The following PIK3C3 variants were observed in gnomAD, a reference collection of about 807,000 sequenced individuals.
PIK3C3 encodes the protein PI3-kinase type 3.
Under a neutral mutation model 126.1 loss-of-function variants are expected in PIK3C3, and 95 were observed. The ratio of observed to expected loss-of-function variants is 0.75; its 90% CI spans 0.64 to 0.89. The LOEUF (loss-of-function observed/expected upper bound fraction) is 0.89, where lower values mean the gene tolerates loss of function less well. Among genes scored for constraint, PIK3C3 ranks in the 40% least tolerant of loss-of-function variants. The pLI is 0.00. For missense variants in PIK3C3, 829 were observed against 1,063.2 expected, an observed-to-expected ratio of 0.78 and a Z score of 3.06; for synonymous variants, 374 against 360.0, an observed-to-expected ratio of 1.04 and a Z score of -0.44.
chr18:42,058,107 A>G (rs1333446577), intron 22 of PIK3C3, 56 bp downstream of exon 22: 7 of 1,436,540 alleles, frequency 4.9e-6, no homozygotes, highest in Non-Finnish European at 5.6e-6. Context: ...ATTTTATAGA[A>G]CAAGAGAATT....
intron 24 of PIK3C3, among the ~76,000 whole-genome samples, chr18:42,079,435 G>A (rs1173095962): frequency 6.6e-6 from 1 of 152,168 alleles, no homozygotes; most frequent in African/African-American, 2.4e-5. Context: ...GATCACCATA[G>A]CAGGTGGAAT....
At position 42,086,791 on chromosome 18, in the gene PIK3C3, T is replaced by C. The variant is rs1371567030; in HGVS notation, c.*5654T>C. On this transcript the variant is annotated 3_prime_UTR_variant, in exon 25 of 25. Transcript: ENST00000262039. ...AATAATCCACCCCTTGTTTAGCATA[T>C]GATCAAGAAATAATCATTAAAAAAT... 1 of 152,208 alleles carries C rather than the reference T, an allele frequency of 6.6e-6. No individual in the cohort carries two copies. The highest frequency in any genetic ancestry group is 1.5e-5 in the Non-Finnish European group (1 of 68,024). 9.4% of individuals were successfully genotyped at this position (152,208 alleles called of 1,614,324 possible).
chr18:42,076,165 CATATATATATATGCACAT>C (rs1353014134), intron 24 of PIK3C3, among the ~76,000 whole-genome samples: 1 of 103,676 alleles, frequency 9.6e-6, no homozygotes, highest in Non-Finnish European at 1.8e-5. Context: ...TATATATGCA[CATATATATATATGCACAT>C]ATATATATGC....
intron 24 of PIK3C3, among the ~76,000 whole-genome samples, chr18:42,072,121 C>T (rs1985799071): frequency 6.6e-6 from 1 of 152,176 alleles, no homozygotes; most frequent in African/African-American, 2.4e-5. Flanking sequence ...CATTCAAATT[C>T]AGATGACTGG....
chr18:42,075,932 A>C (rs1352054341), intron 24 of PIK3C3, among the ~76,000 whole-genome samples: 1 of 149,438 alleles, frequency 6.7e-6, no homozygotes, highest in African/African-American at 2.4e-5. Context: ...AGTCACCTTC[A>C]TCAGTGATCT....
chr18:41,968,692 G>T (rs16975463), intron 3 of PIK3C3, among the ~76,000 whole-genome samples: 12,641 of 152,154 alleles, frequency 0.083, 1,709 homozygotes, highest in African/African-American at 0.28. Context: ...ATATAATGTT[G>T]AGTGAAAATC....
chr18:42,017,198 A>G (rs532671592), intron 12 of PIK3C3, among the ~76,000 whole-genome samples: 5 of 152,210 alleles, frequency 3.3e-5, no homozygotes, highest in Admixed American at 6.5e-5. Context: ...TTAATACACA[A>G]TCAAGCTGAA....
chr18:42,042,385 G>A (rs1190343657), intron 19 of PIK3C3, among the ~76,000 whole-genome samples: 2 of 152,132 alleles, frequency 1.3e-5, no homozygotes, highest in Non-Finnish European at 2.9e-5. Context: ...ACAAACCTTA[G>A]TCATGGTACA....
In PIK3C3 at chr18:42,029,596, G is replaced by A. The variant is rs183054209; in HGVS notation, c.1707+155G>A. On this transcript the variant is annotated intron_variant, in intron 15 of 24. Transcript: ENST00000262039. Reference sequence around the variant, plus strand: ...CTCACTCTGTCGCCCAGGTTGGAGTGCAGTGGCACGATCTCGGCTCACTGC... The same window carrying A: ...CTCACTCTGTCGCCCAGGTTGGAGTACAGTGGCACGATCTCGGCTCACTGC... Among the ~76,000 whole-genome samples the A allele has an allele frequency of 1.8e-3, 242 of 132,088 alleles. 1 individual carries two copies. Among genetic ancestry groups the A allele is most frequent in the Non-Finnish European group, 5.5e-4 (36 of 65,150 alleles). The allele number at this position is 132,088 out of a possible 152,430, so 86.7% of individuals were successfully genotyped here. A position where few individuals can be genotyped will look rare whatever the true frequency, so the allele number is the denominator to read the frequency against.
At chr18:42,000,728 T>TA (rs1178780692) in intron 9 of PIK3C3, among the ~76,000 whole-genome samples, 1 of 152,144 alleles carries the variant, frequency 6.6e-6, no homozygotes, top group Non-Finnish European at 1.5e-5. Flanking sequence ...AGTCATGTCT[T>TA]ACGTGGATGG....
At chr18:41,976,151 A>G (rs777539306) in intron 4 of PIK3C3, among the ~76,000 whole-genome samples, 3 of 152,228 alleles carry the variant, frequency 2.0e-5, no homozygotes, top group Non-Finnish European at 2.9e-5. Context: ...TTCTGGTCAC[A>G]TAATTAATTT....
intron 4 of PIK3C3, among the ~76,000 whole-genome samples, chr18:41,976,219 AT>A (rs761430180): frequency 7.2e-5 from 11 of 152,264 alleles, no homozygotes; most frequent in South Asian, 2.1e-4. Context: ...GAAAGAAAGT[AT>A]TTTGCATTAA....
intron 3 of PIK3C3, among the ~76,000 whole-genome samples, chr18:41,965,707 G>A (rs900357612): frequency 6.6e-6 from 1 of 152,062 alleles, no homozygotes; most frequent in African/African-American, 2.4e-5. Context: ...GCATTCATGC[G>A]TTCCTCTTCT....
At chr18:42,076,165 CATAT>C (rs375558824) in intron 24 of PIK3C3, among the ~76,000 whole-genome samples, 2 of 103,676 alleles carry the variant, frequency 1.9e-5, no homozygotes, top group African/African-American at 4.5e-5. Context: ...TATATATGCA[CATAT>C]ATATATATGC....
intron 24 of PIK3C3, among the ~76,000 whole-genome samples, chr18:42,069,719 A>T (rs990752510): frequency 1.3e-5 from 2 of 152,176 alleles, no homozygotes; most frequent in Non-Finnish European, 2.9e-5. Context: ...ATATCTCTCC[A>T]TCATGGGTTT....
chr18:42,040,555 T>A (rs1175335346), intron 18 of PIK3C3, 122 bp from the exon 19 acceptor site: 1 of 675,050 alleles, frequency 1.5e-6, no homozygotes. Flanking sequence ...TACACTGATC[T>A]TTTTAAGTTG....
intron 4 of PIK3C3, among the ~76,000 whole-genome samples, chr18:41,974,612 GTA>G (rs1000687581): frequency 1.5e-5 from 2 of 133,744 alleles, no homozygotes; most frequent in African/African-American, 5.7e-5. Flanking sequence ...TTAATTTTTA[GTA>G]TAGTGTCTTT....
At chr18:42,049,790 A>G (rs1984716725) in intron 21 of PIK3C3, 185 bp downstream of exon 21, 1 of 464,628 alleles carries the variant, frequency 2.2e-6, no homozygotes, top group Non-Finnish European at 4.0e-6. Flanking sequence ...CCTGACCAAC[A>G]TGGAGAAACC....
chr18:42,022,402 T>C (rs1983368387), intron 13 of PIK3C3, among the ~76,000 whole-genome samples: 2 of 152,162 alleles, frequency 1.3e-5, no homozygotes. Context: ...TTTCTGTCCT[T>C]GCGACAGTTT....
Sources: gnomAD v4.1 joint callset for allele counts (sites outside exome capture counted in the v4.1 genomes callset) on GRCh38, gnomAD v4.1.1 for gene constraint, MANE v1.5 for transcripts, NCBI Gene and HGNC (gene_info 2026-07-23, HGNC 2026-07-21) for gene names.